Variants in GLB1L3 observed in about 807,000 individuals in gnomAD.
GLB1L3 encodes the protein galactosidase beta 1 like 3.
A neutral mutation model predicts 89.5 loss-of-function variants in GLB1L3; 89 were observed. The ratio of observed to expected loss-of-function variants is 0.99; its 90% CI spans 0.84 to 1.19. The LOEUF is 1.19. Among genes scored for constraint, GLB1L3 ranks in the 50% most tolerant of loss-of-function variants. The probability of loss-of-function intolerance (pLI) is 0.00; values close to 1 mark genes in which losing one functional copy is unlikely to be tolerated. For synonymous variants in GLB1L3, 314 were observed against 312.3 expected (o/e 1.01, Z -0.06); for missense variants, 812 against 813.3 (o/e 1.00, Z 0.02).
chr11:134,292,498 G>C (rs755312946), intron 8 of GLB1L3: 1 of 288,554 alleles, frequency 3.5e-6, no homozygotes. Flanking sequence ...TTTTTCTGTG[G>C]CAAGAAATCT....
chr11:134,309,776 G>T lies in GLB1L3; in HGVS notation c.1099+13G>T. ...GTCACCAGCTATGGCAAGTGTCGCT[G>T]GTGTAGTAGCCTCTCCAGCATGGGC... is the stretch of plus-strand genomic sequence containing the variant. On this transcript the variant is annotated intron_variant, in intron 11 of 19. Transcript: ENST00000431683. 1 of 1,611,742 alleles carries T rather than the reference G, an allele frequency of 6.2e-7. No homozygotes were observed. The highest frequency in any genetic ancestry group is 1.1e-5 in the South Asian group (1 of 90,406).
At position 134,307,123 on chromosome 11, in the gene GLB1L3, G is replaced by A; in HGVS notation, c.877-1G>A. The stretch of plus-strand genomic sequence containing the variant: ...TAGTATTTGCTTTGGTTTGTTTTTA[G>A]AGAGATAAGCCCCTTCTGATTATGG... On this transcript the variant is annotated splice_acceptor_variant, in intron 9 of 19. Coordinates refer to ENST00000431683, the MANE Select transcript of GLB1L3 (RefSeq NM_001080407.3). LOFTEE classifies it high-confidence loss of function. 1 of 1,611,452 alleles carries A rather than the reference G, an allele frequency of 6.2e-7. No individual in the cohort carries two copies. The highest frequency in any genetic ancestry group is 8.5e-7 in the Non-Finnish European group (1 of 1,178,548).
intron 9 of GLB1L3, among the ~76,000 whole-genome samples, chr11:134,298,123 G>T (rs1941755954): frequency 6.6e-6 from 1 of 150,464 alleles, no homozygotes; most frequent in Admixed American, 6.6e-5. Flanking sequence ...TTTGTCTTTA[G>T]TTTTCAGAAG....
intron 6 of GLB1L3, 51 bp from the exon 7 acceptor site, chr11:134,288,747 C>T: frequency 7.2e-7 from 1 of 1,389,692 alleles, no homozygotes; most frequent in South Asian, 1.3e-5. Context: ...AGACTCCAGG[C>T]TTTTGCCCCA....
At chr11:134,293,077 CGCA>C in intron 8 of GLB1L3, 65 bp from the exon 9 acceptor site, 1 of 1,305,594 alleles carries the variant, frequency 7.7e-7, no homozygotes, top group South Asian at 1.2e-5. Flanking sequence ...GGGCCGGGGG[CGCA>C]TTCCTTCCCT....
chr11:134,308,425 CCATCACCACCACCACCACCAT>C (rs1942445397), intron 10 of GLB1L3, among the ~76,000 whole-genome samples: 1 of 95,606 alleles, frequency 1.0e-5, no homozygotes, highest in Admixed American at 1.2e-4. Context: ...ACCATCATCA[CCATCACCACCACCACCACCAT>C]CACCACCACC....
chr11:134,288,770 CTT>C, intron 6 of GLB1L3, 26 bp from the exon 7 acceptor site: 1 of 1,581,108 alleles, frequency 6.3e-7, no homozygotes, highest in Non-Finnish European at 8.7e-7. Flanking sequence ...TAGCCTCACT[CTT>C]TAACCCTCCT....
intron 3 of GLB1L3, among the ~76,000 whole-genome samples, chr11:134,280,808 G>C (rs571699044): frequency 5.3e-5 from 8 of 152,064 alleles, no homozygotes; most frequent in African/African-American, 1.9e-4. Context: ...TGATGTTAAG[G>C]GGCATAACAC....
chr11:134,283,417 G>C (rs993794487), intron 5 of GLB1L3, among the ~76,000 whole-genome samples: 2 of 152,200 alleles, frequency 1.3e-5, no homozygotes, highest in African/African-American at 4.8e-5. Context: ...CCAAAAGGTA[G>C]AAGAAAAAGC....
At chr11:134,308,260 C>T (rs1015113015) in intron 10 of GLB1L3, among the ~76,000 whole-genome samples, 1 of 42,204 alleles carries the variant, frequency 2.4e-5, no homozygotes, top group Non-Finnish European at 4.8e-5. Flanking sequence ...CCATCACCAC[C>T]ACCACCACCA....
At chr11:134,295,380 A>G (rs1941577688) in intron 9 of GLB1L3, among the ~76,000 whole-genome samples, 1 of 152,120 alleles carries the variant, frequency 6.6e-6, no homozygotes, top group South Asian at 2.1e-4. Flanking sequence ...ATTCTATTCC[A>G]TCTAAATTTT....
intron 9 of GLB1L3, among the ~76,000 whole-genome samples, chr11:134,299,100 C>T (rs1415756776): frequency 6.6e-6 from 1 of 152,012 alleles, no homozygotes; most frequent in Non-Finnish European, 1.5e-5. Flanking sequence ...TAGCGATGAG[C>T]CTATTGAAGA....
intron 9 of GLB1L3, among the ~76,000 whole-genome samples, chr11:134,294,475 C>T (rs1270638488): frequency 6.6e-6 from 1 of 152,220 alleles, no homozygotes; most frequent in African/African-American, 2.4e-5. Flanking sequence ...GCTAAGTCTT[C>T]TTCCTTTTTG....
At chr11:134,295,843 A>T (rs948659337) in intron 9 of GLB1L3, among the ~76,000 whole-genome samples, 2 of 152,088 alleles carry the variant, frequency 1.3e-5, no homozygotes, top group Non-Finnish European at 2.9e-5. Flanking sequence ...CATTTTTTTA[A>T]ATTTCCCTTG....
chr11:134,303,852 T>C (rs1893054), intron 9 of GLB1L3, among the ~76,000 whole-genome samples: 46,359 of 151,836 alleles, frequency 0.31, 8,097 homozygotes, highest in African/African-American at 0.48. Context: ...TGGCAGACTC[T>C]CTGTTTCCAG....
chr11:134,277,290 C>A (rs1458785053), intron 1 of GLB1L3, 36 bp from the exon 2 acceptor site: 4 of 1,613,334 alleles, frequency 2.5e-6, no homozygotes, highest in Admixed American at 1.7e-5. Flanking sequence ...GGGGCCGGAA[C>A]CTTCCCCTTG....
Position 134,318,665 on chromosome 11 carries a change from G to A in GLB1L3, c.1814G>A (p.Arg605His), listed in dbSNP as rs528826790. 33 of 1,612,138 alleles carry A rather than the reference G, an allele frequency of 2.0e-5. No individual in the cohort carries two copies. The highest frequency in any genetic ancestry group is 1.3e-4 in the Admixed American group (8 of 59,938). ...WNYGFVFING[R>H]NLGRYWNIGP... ...TATGGATTTGTGTTCATCAATGGAC[G>A]TAACCTTGGGCGATATTGGAATATT... Residue 605 changes from arginine (R) to histidine (H), a missense_variant, in exon 19 of 20, where the codon CGT (arginine) becomes CAT (histidine). Physicochemically the swap from Arg to His is conservative, Grantham distance 29. This residue lies in a region of GLB1L3 where 618 missense variants were observed against 604.0 expected (regional missense o/e 1.02). Transcript: ENST00000431683.
intron 9 of GLB1L3, among the ~76,000 whole-genome samples, chr11:134,294,030 T>C (rs1001228546): frequency 7.9e-5 from 12 of 152,024 alleles, no homozygotes; most frequent in Non-Finnish European, 1.5e-4. Context: ...ACCCACATTA[T>C]AAATAAGACT....
chr11:134,292,907 A>G (rs1941436388), intron 8 of GLB1L3: 1 of 576,474 alleles, frequency 1.7e-6, no homozygotes, highest in Non-Finnish European at 3.1e-6. Flanking sequence ...GGCCTGGCTC[A>G]CTTCTCTGCA....
Sources: allele counts gnomAD v4.1 joint callset (sites outside exome capture counted in the v4.1 genomes callset), GRCh38; gene constraint gnomAD v4.1.1; regional missense constraint gnomAD v4.1.1; transcripts MANE v1.5; gene names NCBI Gene and HGNC (gene_info 2026-07-23, HGNC 2026-07-21).